The following HIBADH variants were observed in gnomAD, a reference collection of about 807,000 sequenced individuals.
HIBADH encodes 3-hydroxyisobutyrate dehydrogenase.
HIBADH carries 25 observed loss-of-function variants against 36.1 expected under a neutral mutation model. That is an observed-to-expected ratio of 0.69 (90% confidence interval 0.50 to 0.97). HIBADH has a LOEUF of 0.97. Among genes scored for constraint, HIBADH ranks in the 50% least tolerant of loss-of-function variants. HIBADH has a pLI of 0.00. For missense variants in HIBADH, 421 were observed against 418.0 expected (o/e 1.01, Z -0.06); for synonymous variants, 160 against 149.5 (o/e 1.07, Z -0.51).
At chr7:27,594,010 G>A (rs1293670421) in intron 4 of HIBADH, among the ~76,000 whole-genome samples, 7 of 149,968 alleles carry the variant, frequency 4.7e-5, no homozygotes, top group African/African-American at 1.5e-4. Context: ...GCGACAGAGC[G>A]AGACTCCGTC....
Position 27,568,388 on chromosome 7 carries a change from C to G in HIBADH, c.485-25288G>C, listed in dbSNP as rs144909547. Among the ~76,000 whole-genome samples, 705 of 152,162 alleles carry G rather than the reference C, an allele frequency of 4.6e-3. 9 individuals are homozygous for G. The highest frequency in any genetic ancestry group is 0.016 in the African/African-American group (664 of 41,504). ...TACATGTTTTTTTCTGAAGTTGTTG[C>G]AATCATTGTTCCCCTGTAATGCATC... On this transcript the variant is annotated intron_variant, in intron 4 of 7. Coordinates refer to ENST00000265395, the MANE Select transcript of HIBADH (RefSeq NM_152740.4).
At chr7:27,573,704 A>G (rs1211918725) in intron 4 of HIBADH, among the ~76,000 whole-genome samples, 1 of 152,228 alleles carries the variant, frequency 6.6e-6, no homozygotes, top group Non-Finnish European at 1.5e-5. Flanking sequence ...CCTGTCCCAC[A>G]GAGTAGCTAC....
intron 4 of HIBADH, among the ~76,000 whole-genome samples, chr7:27,552,624 G>A (rs1282005249): frequency 1.3e-5 from 2 of 152,130 alleles, no homozygotes; most frequent in African/African-American, 4.8e-5. Flanking sequence ...TTGAATAAAC[G>A]CTAGGGATGT....
At chr7:27,541,657 A>C (rs968089297) in intron 5 of HIBADH, 11 of 369,232 alleles carry the variant, frequency 3.0e-5, no homozygotes, top group African/African-American at 2.0e-4. Context: ...TTTTTCTTGT[A>C]ATGTCATGAC....
intron 2 of HIBADH, among the ~76,000 whole-genome samples, chr7:27,634,154 T>G (rs17155546): frequency 0.078 from 11,813 of 152,154 alleles, 706 homozygotes; most frequent in African/African-American, 0.17. Flanking sequence ...GCATATTGTG[T>G]ATTAACAAGC....
At chr7:27,583,491 G>A (rs1478739348) in intron 4 of HIBADH, among the ~76,000 whole-genome samples, 1 of 151,704 alleles carries the variant, frequency 6.6e-6, no homozygotes, top group East Asian at 1.9e-4. Flanking sequence ...TAATACCTAG[G>A]TATTATAGAA....
At chr7:27,593,008 T>TG (rs1317929150) in intron 4 of HIBADH, among the ~76,000 whole-genome samples, 1 of 152,144 alleles carries the variant, frequency 6.6e-6, no homozygotes, top group African/African-American at 2.4e-5. Context: ...TCACAATCAA[T>TG]GGTACTTTTT....
chr7:27,560,811 C>A (rs974123362), intron 4 of HIBADH, among the ~76,000 whole-genome samples: 2 of 152,164 alleles, frequency 1.3e-5, no homozygotes, highest in Non-Finnish European at 2.9e-5. Flanking sequence ...ATTCTTTGGG[C>A]ATATACCCAG....
chr7:27,649,976 AC>A (rs1393758967), intron 1 of HIBADH, among the ~76,000 whole-genome samples: 1 of 152,072 alleles, frequency 6.6e-6, no homozygotes, highest in Admixed American at 6.6e-5. Context: ...GTGCAGGCAG[AC>A]TAACTTCTAA....
At chr7:27,634,488 G>GA (rs905743155) in intron 2 of HIBADH, among the ~76,000 whole-genome samples, 26 of 151,254 alleles carry the variant, frequency 1.7e-4, no homozygotes, top group Admixed American at 1.6e-3. Flanking sequence ...AGTGAAATAA[G>GA]AAAAAAAAAG....
intron 1 of HIBADH, among the ~76,000 whole-genome samples, chr7:27,654,350 T>C (rs1409686776): frequency 6.6e-6 from 1 of 152,056 alleles, no homozygotes; most frequent in East Asian, 1.9e-4. Flanking sequence ...TGTTCCAAAG[T>C]TGATGAAAAC....
chr7:27,573,004 C>T (rs1348881706), intron 4 of HIBADH, among the ~76,000 whole-genome samples: 2 of 151,936 alleles, frequency 1.3e-5, no homozygotes, highest in African/African-American at 4.8e-5. Flanking sequence ...CAATATGGGC[C>T]ATGAAAGATG....
chr7:27,566,095 T>C (rs1427235818), intron 4 of HIBADH, among the ~76,000 whole-genome samples: 2 of 152,158 alleles, frequency 1.3e-5, no homozygotes, highest in African/African-American at 4.8e-5. Flanking sequence ...TTTTTATGTG[T>C]ACAGTATAAA....
intron 1 of HIBADH, among the ~76,000 whole-genome samples, chr7:27,656,365 C>A (rs1312848251): frequency 2.0e-5 from 3 of 152,034 alleles, no homozygotes; most frequent in African/African-American, 7.2e-5. Context: ...TCATTCATAA[C>A]TAATTATATA....
chr7:27,619,373 G>A (rs1312512744), intron 4 of HIBADH, among the ~76,000 whole-genome samples: 2 of 152,104 alleles, frequency 1.3e-5, no homozygotes, highest in Non-Finnish European at 2.9e-5. Flanking sequence ...CAGATGCACA[G>A]ATATCAACAT....
At chr7:27,625,798 C>T (rs12155431) in intron 4 of HIBADH, among the ~76,000 whole-genome samples, 1 of 151,976 alleles carries the variant, frequency 6.6e-6, no homozygotes, top group African/African-American at 2.4e-5. Flanking sequence ...GATGTGGGCT[C>T]TGATAAAGAT....
intron 4 of HIBADH, among the ~76,000 whole-genome samples, chr7:27,590,704 G>T (rs1980330): frequency 0.8 from 121,217 of 152,118 alleles, 48,732 homozygotes; most frequent in East Asian, 0.97. Context: ...TGTTAATCCC[G>T]TCATAGTCCC....
chr7:27,566,350 TA>T (rs1345111168), intron 4 of HIBADH, among the ~76,000 whole-genome samples: 3 of 151,982 alleles, frequency 2.0e-5, no homozygotes, highest in African/African-American at 4.8e-5. Context: ...TCTTTTTAAA[TA>T]ATTTTTAGTA....
At chr7:27,598,218 TA>T (rs1785062783) in intron 4 of HIBADH, among the ~76,000 whole-genome samples, 1 of 152,176 alleles carries the variant, frequency 6.6e-6, no homozygotes. Flanking sequence ...AGAATAAAAC[TA>T]AAGATTGCTA....
Sources: gnomAD v4.1 joint callset for allele counts (sites outside exome capture counted in the v4.1 genomes callset) on GRCh38, gnomAD v4.1.1 for gene constraint, MANE v1.5 for transcripts, NCBI Gene and HGNC (gene_info 2026-07-23, HGNC 2026-07-21) for gene names.